The following NOX4 variants were observed in gnomAD, a reference collection of about 807,000 sequenced individuals.
NOX4 encodes the protein kidney oxidase-1.
Under a neutral mutation model 87.6 loss-of-function variants are expected in NOX4, and 69 were observed. The ratio of observed to expected loss-of-function variants is 0.79; its 90% confidence interval spans 0.65 to 0.96. NOX4 has a LOEUF of 0.96. Ranked by LOEUF, NOX4 falls within the 40% of genes least tolerant of loss-of-function variation. The pLI, the probability that NOX4 is intolerant of heterozygous loss-of-function variation, is 0.00. For missense variants in NOX4, 680 were observed against 681.5 expected, an observed-to-expected ratio of 1.00 and a Z score of 0.02; for synonymous variants, 275 against 238.2, an observed-to-expected ratio of 1.15 and a Z score of -1.42.
At chr11:89,360,267 A>T (rs1031156178) in intron 12 of NOX4, among the ~76,000 whole-genome samples, 3 of 152,062 alleles carry the variant, frequency 2.0e-5, no homozygotes, top group African/African-American at 7.2e-5. Flanking sequence ...ATCTTTCTTC[A>T]CTCATACAGT....
intron 11 of NOX4, among the ~76,000 whole-genome samples, chr11:89,376,775 G>C (rs1394933116): frequency 6.6e-6 from 1 of 152,136 alleles, no homozygotes; most frequent in Non-Finnish European, 1.5e-5. Context: ...CCAGATACTC[G>C]GGAGGCTGAG....
upstream of NOX4, among the ~76,000 whole-genome samples, chr11:89,496,237 T>G (rs1591385271): frequency 6.6e-6 from 1 of 152,168 alleles, no homozygotes; most frequent in South Asian, 2.1e-4. Context: ...CATGGCTGGG[T>G]TAGCTCCTTG....
intron 2 of NOX4, among the ~76,000 whole-genome samples, chr11:89,484,089 T>C (rs545372172): frequency 6.6e-6 from 1 of 152,266 alleles, no homozygotes; most frequent in South Asian, 2.1e-4. Flanking sequence ...TAAAGTCTAG[T>C]ATTAGCCAGT....
chr11:89,395,445 C>G (rs1016758688), intron 11 of NOX4, among the ~76,000 whole-genome samples: 1 of 152,146 alleles, frequency 6.6e-6, no homozygotes, highest in African/African-American at 2.4e-5. Flanking sequence ...TTCTCCCATT[C>G]TGTAGGTTGC....
At chr11:89,372,793 C>T (rs1435514743) in intron 12 of NOX4, among the ~76,000 whole-genome samples, 1 of 152,006 alleles carries the variant, frequency 6.6e-6, no homozygotes, top group Non-Finnish European at 1.5e-5. Context: ...AACCAACCAA[C>T]TAACAAGCCA....
chr11:89,385,333 C>A (rs550995890), intron 11 of NOX4, among the ~76,000 whole-genome samples: 4 of 152,260 alleles, frequency 2.6e-5, no homozygotes, highest in African/African-American at 9.6e-5. Context: ...AGATCCCATC[C>A]CTCAGGGTAA....
At chr11:89,534,460 A>G in the NOX4 span, among the ~76,000 whole-genome samples, 1 of 152,138 alleles carries the variant, frequency 6.6e-6, no homozygotes, top group Non-Finnish European at 1.5e-5. Flanking sequence ...CCTCCTCTTC[A>G]ATATACATTA....
intron 2 of NOX4, among the ~76,000 whole-genome samples, chr11:89,461,082 C>A (rs1014543513): frequency 6.6e-6 from 1 of 152,070 alleles, no homozygotes; most frequent in Non-Finnish European, 1.5e-5. Flanking sequence ...ACCGCATGTT[C>A]TCACTCATAG....
the NOX4 span, among the ~76,000 whole-genome samples, chr11:89,530,038 T>G: frequency 3.3e-5 from 5 of 152,180 alleles, no homozygotes; most frequent in Non-Finnish European, 7.3e-5. Context: ...TTACATATTT[T>G]ATTGTTAAAC....
At position 89,337,770 on chromosome 11, in the gene NOX4, A is replaced by G. The variant is rs1375796790; in HGVS notation, c.1447-255T>C. Among the ~76,000 whole-genome samples the G allele has an allele frequency of 3.3e-5, 5 of 152,158 alleles. No individual in the cohort carries two copies. The East Asian group carries it at 5.8e-4, about 18-fold the overall frequency. On this transcript the variant is annotated intron_variant, in intron 15 of 17. Transcript: ENST00000263317. ...TAGGGAATAATTTTCTGTTATCTTT[A>G]TAGATACAAAATTTAGCATGCTGAA...
intron 7 of NOX4, among the ~76,000 whole-genome samples, chr11:89,430,358 A>G (rs913102365): frequency 1.3e-5 from 2 of 152,206 alleles, no homozygotes; most frequent in African/African-American, 4.8e-5. Context: ...GGCCAGGGCA[A>G]TCAGGCAGGA....
chr11:89,574,180 G>A, the NOX4 span, among the ~76,000 whole-genome samples: 1 of 152,148 alleles, frequency 6.6e-6, no homozygotes, highest in African/African-American at 2.4e-5. Flanking sequence ...CTAGTGGGTA[G>A]GGGTGAACAG....
upstream of NOX4, among the ~76,000 whole-genome samples, chr11:89,495,145 G>GT: frequency 6.6e-6 from 1 of 152,086 alleles, no homozygotes; most frequent in South Asian, 2.1e-4. Context: ...GTTTGGTTTT[G>GT]TTTTTTGTTT....
chr11:89,507,899 G>A, the NOX4 span, among the ~76,000 whole-genome samples: 1 of 151,400 alleles, frequency 6.6e-6, no homozygotes, highest in East Asian at 2.0e-4. Flanking sequence ...TCATTTAAAG[G>A]TCAAAGCATC....
chr11:89,553,625 T>A, the NOX4 span, among the ~76,000 whole-genome samples: 4 of 151,950 alleles, frequency 2.6e-5, no homozygotes, highest in African/African-American at 7.3e-5. Flanking sequence ...CAAAAAAAAA[T>A]TCATTATTGA....
At chr11:89,432,612 A>C (rs55828721) in intron 7 of NOX4, among the ~76,000 whole-genome samples, 172 bp downstream of exon 7, 1 of 152,232 alleles carries the variant, frequency 6.6e-6, no homozygotes, top group African/African-American at 2.4e-5. Flanking sequence ...TGCTAATACA[A>C]GAGAACTTTC....
the NOX4 span, among the ~76,000 whole-genome samples, chr11:89,536,286 A>G: frequency 6.6e-6 from 1 of 151,578 alleles, no homozygotes; most frequent in Non-Finnish European, 1.5e-5. Flanking sequence ...AGCTGGGACT[A>G]TAGGCGCCCG....
chr11:89,407,708 T>A (rs1332139760), intron 8 of NOX4, among the ~76,000 whole-genome samples: 7 of 152,046 alleles, frequency 4.6e-5, no homozygotes, highest in Admixed American at 2.6e-4. Flanking sequence ...TCTTATAAAA[T>A]AATATAATAC....
chr11:89,373,509 GAATC>G lies in NOX4; in HGVS notation c.1075-21_1075-18del. On this transcript the variant is annotated intron_variant, in intron 11 of 17. Coordinates refer to ENST00000263317, the MANE Select transcript of NOX4 (RefSeq NM_016931.5). ...AGTTGGACACTAAAAAAAAATACTAGAATCAATTGTGATTAATAATTACATAATA... is the reference window on the plus strand; with the variant it reads ...AGTTGGACACTAAAAAAAAATACTAGAATTGTGATTAATAATTACATAATA... 6.8e-7 allele frequency: 1 copy of G among 1,471,908 alleles called. No homozygotes were observed. The highest frequency in any genetic ancestry group is 2.3e-5 in the East Asian group (1 of 43,968). The allele number at this position is 1,471,908 out of a possible 1,614,324, so 91.2% of individuals were successfully genotyped here. A position where few individuals can be genotyped will look rare whatever the true frequency, so the allele number is the denominator to read the frequency against.
Sources: gnomAD v4.1 joint callset for allele counts (sites outside exome capture counted in the v4.1 genomes callset) on GRCh38, gnomAD v4.1.1 for gene constraint, MANE v1.5 for transcripts, NCBI Gene and HGNC (gene_info 2026-07-23, HGNC 2026-07-21) for gene names.